NFIL3: variants seen among roughly 807,000 people sequenced by gnomAD.
NFIL3 encodes nuclear factor, interleukin 3 regulated.
In NFIL3, 5 loss-of-function variants were observed where a neutral mutation model predicts 10.0. The ratio of observed to expected loss-of-function variants is 0.50; its 90% confidence interval spans 0.26 to 1.06. NFIL3 has a LOEUF of 1.06. NFIL3 is among the 50% of genes least tolerant of loss of function. The pLI, the probability that NFIL3 is intolerant of heterozygous loss-of-function variation, is 0.13. For synonymous variants in NFIL3, 202 were observed against 206.5 expected (o/e 0.98, Z 0.19); for missense variants, 436 against 547.6 (o/e 0.80, Z 2.03).
chr9:91,428,684 T>C (rs931132547), upstream of NFIL3, among the ~76,000 whole-genome samples: 3 of 152,192 alleles, frequency 2.0e-5, no homozygotes, highest in Non-Finnish European at 4.4e-5. Flanking sequence ...CAGCTGATGG[T>C]CTGAATACAT....
chr9:91,416,512 G>A (rs762585739), intron 1 of NFIL3, among the ~76,000 whole-genome samples: 4 of 152,060 alleles, frequency 2.6e-5, no homozygotes, highest in Non-Finnish European at 4.4e-5. Flanking sequence ...TGGTATATTA[G>A]TCATTGCTTA....
chr9:91,413,246 T>C (rs1346413286), intron 1 of NFIL3, among the ~76,000 whole-genome samples: 2 of 150,660 alleles, frequency 1.3e-5, no homozygotes, highest in Admixed American at 6.7e-5. Context: ...ATTTAAACAA[T>C]ATTATTTCCT....
the NFIL3 span, among the ~76,000 whole-genome samples, chr9:91,463,252 T>C: frequency 2.6e-5 from 4 of 151,790 alleles, no homozygotes; most frequent in African/African-American, 9.7e-5. Context: ...TGTTCTTCTT[T>C]CCGTAGTTTC....
the NFIL3 span, among the ~76,000 whole-genome samples, chr9:91,471,378 C>T: frequency 6.6e-6 from 1 of 151,010 alleles, no homozygotes; most frequent in Non-Finnish European, 1.5e-5. Context: ...GTGTATCTTC[C>T]TCCATCCCTT....
intron 1 of NFIL3, among the ~76,000 whole-genome samples, chr9:91,415,441 G>T (rs749612303): frequency 6.6e-6 from 1 of 152,128 alleles, no homozygotes; most frequent in African/African-American, 2.4e-5. Flanking sequence ...ATGGCAGAGC[G>T]TACATTCAGG....
the NFIL3 span, among the ~76,000 whole-genome samples, chr9:91,452,824 A>G: frequency 2.0e-5 from 3 of 151,112 alleles, no homozygotes; most frequent in African/African-American, 4.9e-5. Flanking sequence ...CTGTACCTCA[A>G]CCACCTTGGG....
chr9:91,409,275 C>T lies in NFIL3; in HGVS notation c.*71G>A, dbSNP rs1833489647. The T allele has an allele frequency of 7.0e-7, 1 of 1,418,714 alleles. No individual in the cohort carries two copies. The highest frequency in any genetic ancestry group is 9.5e-7 in the Non-Finnish European group (1 of 1,050,750). The allele number at this position is 1,418,714 out of a possible 1,614,324, so 87.9% of individuals were successfully genotyped here. ...CATCACAGGTCCAGTGAAAATTCAG[C>T]ATAATACAAAATGGACTGCTCTATT... is the stretch of plus-strand genomic sequence containing the variant. On this transcript the variant is annotated 3_prime_UTR_variant, in exon 2 of 2. Coordinates refer to ENST00000297689, the MANE Select transcript of NFIL3 (RefSeq NM_005384.3).
chr9:91,424,297 G>T (rs1833838280), upstream of NFIL3, among the ~76,000 whole-genome samples: 1 of 152,176 alleles, frequency 6.6e-6, no homozygotes, highest in Non-Finnish European at 1.5e-5. Context: ...CCTGAGAGCC[G>T]CAGCCTGCTG....
At chr9:91,451,434 T>A in the NFIL3 span, among the ~76,000 whole-genome samples, 1 of 152,208 alleles carries the variant, frequency 6.6e-6, no homozygotes, top group Non-Finnish European at 1.5e-5. Flanking sequence ...ACATACCACA[T>A]TTTGGCTTGT....
chr9:91,418,062 CTT>C (rs1233843455), intron 1 of NFIL3, among the ~76,000 whole-genome samples: 2 of 152,058 alleles, frequency 1.3e-5, no homozygotes, highest in Non-Finnish European at 2.9e-5. Flanking sequence ...AATAGTATAA[CTT>C]AACATTCTTC....
intron 1 of NFIL3, among the ~76,000 whole-genome samples, chr9:91,415,153 C>A (rs548434792): frequency 6.6e-6 from 1 of 152,048 alleles, no homozygotes; most frequent in Admixed American, 6.6e-5. Context: ...CGAGACCAGG[C>A]GCTCAGTCGT....
chr9:91,476,002 G>A, the NFIL3 span, among the ~76,000 whole-genome samples: 2 of 152,340 alleles, frequency 1.3e-5, no homozygotes, highest in South Asian at 2.1e-4. Context: ...GTGCTCAGTG[G>A]TTATTGGCTA....
chr9:91,421,160 G>GC (rs1564158940), intron 1 of NFIL3, among the ~76,000 whole-genome samples: 1 of 152,132 alleles, frequency 6.6e-6, no homozygotes. Flanking sequence ...CCCTGGATTT[G>GC]CCCTGTTGGA....
the NFIL3 span, among the ~76,000 whole-genome samples, chr9:91,445,491 C>T: frequency 2.6e-5 from 4 of 152,110 alleles, no homozygotes; most frequent in Non-Finnish European, 1.5e-5. Flanking sequence ...GGAGGCAGGG[C>T]CTTTAGCTGT....
the NFIL3 span, among the ~76,000 whole-genome samples, chr9:91,438,663 T>G: frequency 1.3e-5 from 2 of 152,208 alleles, no homozygotes; most frequent in Non-Finnish European, 2.9e-5. Context: ...AGGTATCTTA[T>G]CCATTTTGAG....
At chr9:91,468,992 C>T in the NFIL3 span, among the ~76,000 whole-genome samples, 2 of 152,066 alleles carry the variant, frequency 1.3e-5, no homozygotes, top group African/African-American at 2.4e-5. Context: ...GTTCTTTTTG[C>T]TTAGGATTGT....
At chr9:91,441,895 A>G in the NFIL3 span, among the ~76,000 whole-genome samples, 1 of 152,160 alleles carries the variant, frequency 6.6e-6, no homozygotes, top group Non-Finnish European at 1.5e-5. Context: ...TTGACTTTTA[A>G]CCTTCATACT....
the NFIL3 span, among the ~76,000 whole-genome samples, chr9:91,462,471 A>C: frequency 6.6e-6 from 1 of 152,168 alleles, no homozygotes; most frequent in South Asian, 2.1e-4. Context: ...GCTTTTTGTT[A>C]GACCGTTGAT....
chr9:91,481,141 C>T, the NFIL3 span, among the ~76,000 whole-genome samples: 18 of 152,314 alleles, frequency 1.2e-4, no homozygotes, highest in East Asian at 7.7e-4. Context: ...CAGCTAACAA[C>T]GATTCTTAGC....
Sources: allele counts gnomAD v4.1 joint callset (sites outside exome capture counted in the v4.1 genomes callset), GRCh38; gene constraint gnomAD v4.1.1; transcripts MANE v1.5; gene names NCBI Gene and HGNC (gene_info 2026-07-23, HGNC 2026-07-21).